The following RGS12 variants were observed in gnomAD, a reference collection of about 807,000 sequenced individuals.
The protein encoded by RGS12 is regulator of G protein signaling 12, also known as regulator of G-protein signaling 12.
Under a neutral mutation model 120.1 loss-of-function variants are expected in RGS12, and 66 were observed. That is an observed-to-expected ratio of 0.55 (90% CI 0.45 to 0.67). RGS12 has a LOEUF of 0.67. RGS12 is among the 30% of genes least tolerant of loss of function. The pLI, the probability that RGS12 is intolerant of heterozygous loss-of-function variation, is 0.00. For synonymous variants in RGS12, 827 were observed against 804.7 expected, an observed-to-expected ratio of 1.03 and a Z score of -0.47; for missense variants, 1,859 against 1,957.7, an observed-to-expected ratio of 0.95 and a Z score of 0.95.
chr4:3,295,017 G>C (rs1211777646), intron 1 of RGS12, among the ~76,000 whole-genome samples: 1 of 152,166 alleles, frequency 6.6e-6, no homozygotes, highest in East Asian at 1.9e-4. Flanking sequence ...GCACTGCAAA[G>C]AGGAGGGAAT....
chr4:3,414,867 G>A, intron 6 of RGS12, 23 bp downstream of exon 6: 1 of 1,560,960 alleles, frequency 6.4e-7, no homozygotes, highest in South Asian at 1.1e-5. Context: ...TTGGGAAGTG[G>A]GGGCTGTGTG....
chr4:3,384,464 A>G (rs543668873), intron 3 of RGS12, among the ~76,000 whole-genome samples: 1 of 152,250 alleles, frequency 6.6e-6, no homozygotes, highest in Non-Finnish European at 1.5e-5. Flanking sequence ...TTCCTGTGAT[A>G]TTATTTAGAT....
At chr4:3,410,487 G>T (rs896893128) in intron 4 of RGS12, among the ~76,000 whole-genome samples, 33 of 152,344 alleles carry the variant, frequency 2.2e-4, no homozygotes, top group Non-Finnish European at 4.0e-4. Context: ...CCTTTGGGGG[G>T]GCTGTCCAGC....
In RGS12 at chr4:3,436,198, G is replaced by A. The variant is rs117217837; in HGVS notation, c.4115-3257G>A. The stretch of plus-strand genomic sequence containing the variant: ...CCCATGGGGGCCCATCAGCAGGAGT[G>A]CACAGGCCTTAGCAGGAGCCCGTGG... On this transcript the variant is annotated intron_variant, in intron 17 of 17. Coordinates refer to ENST00000336727, the MANE Select transcript of RGS12 (RefSeq NM_001394154.1). 3.7e-4 allele frequency among the ~76,000 whole-genome samples: 57 copies of A among 152,334 alleles called. No individual in the cohort carries two copies. In the East Asian group the frequency reaches 9.7e-3, roughly 26 times the overall value.
At chr4:3,313,652 C>A (rs115485093) in intron 1 of RGS12, among the ~76,000 whole-genome samples, 2,732 of 152,328 alleles carry the variant, frequency 0.018, 67 homozygotes, top group African/African-American at 0.059. Flanking sequence ...CCTCTGGTGA[C>A]TTTAAGTCTG....
At chr4:3,391,762 T>TG (rs1719530252) in intron 4 of RGS12, among the ~76,000 whole-genome samples, 1 of 141,590 alleles carries the variant, frequency 7.1e-6, no homozygotes, top group Admixed American at 6.8e-5. Flanking sequence ...CTGGGGTGTT[T>TG]GGGGGCCTCA....
At chr4:3,412,172 C>A (rs1004049089) in intron 4 of RGS12, among the ~76,000 whole-genome samples, 4 of 152,246 alleles carry the variant, frequency 2.6e-5, no homozygotes, top group African/African-American at 7.2e-5. Flanking sequence ...AAATGCTCTT[C>A]GCACTTTGAA....
intron 3 of RGS12, among the ~76,000 whole-genome samples, chr4:3,368,896 A>T (rs1486181488): frequency 6.6e-6 from 1 of 152,088 alleles, no homozygotes; most frequent in Admixed American, 6.5e-5. Context: ...ACTGCCTGCC[A>T]TGCCTGTCGT....
At chr4:3,340,762 A>AGGTGCAGGCT (rs1553802001) in intron 2 of RGS12, among the ~76,000 whole-genome samples, 1 of 150,906 alleles carries the variant, frequency 6.6e-6, no homozygotes, top group Non-Finnish European at 1.5e-5. Context: ...AGGTGCAGGC[A>AGGTGCAGGCT]GGTGCAGGCC....
chr4:3,301,462 A>C (rs1478305046), intron 1 of RGS12, among the ~76,000 whole-genome samples: 2 of 152,206 alleles, frequency 1.3e-5, no homozygotes, highest in African/African-American at 2.4e-5. Context: ...TAGGAGAATC[A>C]CATGTAGGAG....
At chr4:3,425,347 C>A in intron 13 of RGS12, 117 bp from the exon 14 acceptor site, 3 of 897,684 alleles carry the variant, frequency 3.3e-6, no homozygotes, top group Non-Finnish European at 5.5e-6. Context: ...ACCTCGGGGC[C>A]ATCTCCTGCG....
In RGS12 at chr4:3,427,885, C is replaced by G. The variant is rs559111749; in HGVS notation, c.3332-205C>G. ...TCCAGCAAGTCCCTAGTTAGATGTA[C>G]GGAGCCCGGCTGTGTGCGTGGAGGA... On this transcript the variant is annotated intron_variant, in intron 14 of 17. Coordinates refer to ENST00000336727, the MANE Select transcript of RGS12 (RefSeq NM_001394154.1). Among the ~76,000 whole-genome samples, 4 of 152,328 alleles carry G rather than the reference C, an allele frequency of 2.6e-5. No homozygotes were observed. The South Asian group carries it at 8.3e-4, about 32-fold the overall frequency.
intron 17 of RGS12, among the ~76,000 whole-genome samples, chr4:3,434,858 ACAGT>A (rs1724659381): frequency 6.6e-6 from 1 of 152,244 alleles, no homozygotes; most frequent in African/African-American, 2.4e-5. Context: ...CTGCAAGGCG[ACAGT>A]CAGGGGTCCT....
chr4:3,384,520 C>T (rs944729782), intron 3 of RGS12, among the ~76,000 whole-genome samples: 1 of 152,220 alleles, frequency 6.6e-6, no homozygotes, highest in Non-Finnish European at 1.5e-5. Context: ...GAAGGAATGA[C>T]AGCCTTCCAA....
rs1274091012 is a variant in RGS12 at position 3,317,524 on chromosome 4, C to A, written c.1354C>A (p.Pro452Thr). 1 of 1,611,880 alleles carries A rather than the reference C, an allele frequency of 6.2e-7. No homozygotes were observed. Among genetic ancestry groups the A allele is most frequent in the Admixed American group, 1.7e-5 (1 of 60,026 alleles). ...GGGTGGGAGCTCGAGCAGACACGGCCCCGGAGGCAGCGCGTGGGACGGTGT... is the reference window on the plus strand; with the variant it reads ...GGGTGGGAGCTCGAGCAGACACGGCACCGGAGGCAGCGCGTGGGACGGTGT... ...DLGGSSSRHGPGGSAWDGVGG... is the reference protein window; with the variant it reads ...DLGGSSSRHGTGGSAWDGVGG... Residue 452 changes from proline (P) to threonine (T), a missense_variant, in exon 2 of 18, where the codon CCC becomes ACC. Physicochemically the swap from Pro to Thr is conservative, Grantham distance 38. Coordinates refer to ENST00000336727, the MANE Select transcript of RGS12 (RefSeq NM_001394154.1).
chr4:3,316,686 A>G lies in RGS12; in HGVS notation c.516A>G (p.Ser172=), dbSNP rs2236052. 0.62 allele frequency: 1,005,061 copies of G among 1,613,940 alleles called. 318,950 individuals carry two copies. The highest frequency in any genetic ancestry group is 0.93 in the African/African-American group (69,637 of 75,010). Residue 172 remains serine (S), a synonymous_variant, in exon 2 of 18, where the codon TCA becomes TCG. Transcript: ENST00000336727. Reference sequence around the variant, plus strand: ...TGAAATTGAAACAAAGATCCCTTTCAGAGTCGGCCGCAACTCGATTTGATG... The same window carrying G: ...TGAAATTGAAACAAAGATCCCTTTCGGAGTCGGCCGCAACTCGATTTGATG... ...EPLKLKQRSL[S]ESAATRFDVG...
Position 3,425,414 on chromosome 4 carries a change from C to G in RGS12, c.3235-50C>G, listed in dbSNP as rs371848198. On this transcript the variant is annotated intron_variant, in intron 13 of 17. Transcript: ENST00000336727. ...TCGGGTGGGATCACACACATCTGTT[C>G]CCTGAAGTTCCAGTCTGGGTAAATT... The G allele has an allele frequency of 1.2e-4, 183 of 1,497,842 alleles. 2 individuals carry two copies. The South Asian group carries it at 2.0e-3, about 17-fold the overall frequency. 92.8% of individuals were successfully genotyped at this position (1,497,842 alleles called of 1,614,324 possible). A position where few individuals can be genotyped will look rare whatever the true frequency, so the allele number is the denominator to read the frequency against.
In RGS12 at chr4:3,430,751, TCCC is replaced by T; in HGVS notation, c.3913_3915del (p.Pro1305del). ...CAGCGGGCCCTTCTGCACTCCCCAG[TCCC>T]CCGTCTCCCTCGCGCAGGAGGGCAC... On this transcript the variant is annotated inframe_deletion, in exon 17 of 18. Transcript: ENST00000336727. 1 of 1,606,452 alleles carries T rather than the reference TCCC, an allele frequency of 6.2e-7. No homozygotes were observed. The highest frequency in any genetic ancestry group is 8.5e-7 in the Non-Finnish European group (1 of 1,176,736).
chr4:3,339,077 A>G (rs1003994603), intron 2 of RGS12, among the ~76,000 whole-genome samples: 2 of 152,054 alleles, frequency 1.3e-5, no homozygotes, highest in African/African-American at 4.8e-5. Flanking sequence ...TCTCCTTTAC[A>G]TCTCCAAAGT....
Sources: allele counts gnomAD v4.1 joint callset (sites outside exome capture counted in the v4.1 genomes callset), GRCh38; gene constraint gnomAD v4.1.1; transcripts MANE v1.5; gene names NCBI Gene and HGNC (gene_info 2026-07-23, HGNC 2026-07-21).